ETFA: variants seen among roughly 807,000 people sequenced by gnomAD.
ETFA encodes the protein electron transfer flavoprotein subunit alpha, mitochondrial.
Under a neutral mutation model 46.2 loss-of-function variants are expected in ETFA, and 22 were observed. That is an observed-to-expected ratio of 0.48 (90% CI 0.34 to 0.68). ETFA has a LOEUF of 0.68. Ranked by LOEUF, ETFA falls within the 30% of genes least tolerant of loss-of-function variation. The pLI is 0.01. For synonymous variants in ETFA, 131 were observed against 139.9 expected, an observed-to-expected ratio of 0.94 and a Z score of 0.45; for missense variants, 345 against 401.1, an observed-to-expected ratio of 0.86 and a Z score of 1.19.
At chr15:76,278,661 A>G (rs2039620115) in intron 8 of ETFA, among the ~76,000 whole-genome samples, 1 of 152,162 alleles carries the variant, frequency 6.6e-6, no homozygotes. Flanking sequence ...CTAAACTATA[A>G]TTTCATATAT....
chr15:76,311,045 AGTGACCGACAAAG>A (rs1478382465), intron 1 of ETFA, among the ~76,000 whole-genome samples: 1 of 152,244 alleles, frequency 6.6e-6, no homozygotes, highest in African/African-American at 2.4e-5. Flanking sequence ...AAGTGCCCAG[AGTGACCGACAAAG>A]GTGGGAAACG....
intron 5 of ETFA, among the ~76,000 whole-genome samples, chr15:76,287,451 A>C (rs1181617467): frequency 2.0e-5 from 3 of 152,236 alleles, no homozygotes; most frequent in African/African-American, 7.2e-5. Flanking sequence ...TATAGGCACG[A>C]GCCACTGCAG....
intron 8 of ETFA, among the ~76,000 whole-genome samples, chr15:76,280,133 T>A (rs1453479947): frequency 2.0e-5 from 3 of 152,078 alleles, no homozygotes; most frequent in African/African-American, 7.2e-5. Flanking sequence ...TTCAATATCA[T>A]CCAAATGAAC....
At chr15:76,240,900 T>G (rs2039179246) in intron 9 of ETFA, among the ~76,000 whole-genome samples, 1 of 151,640 alleles carries the variant, frequency 6.6e-6, no homozygotes, top group African/African-American at 2.4e-5. Flanking sequence ...AGCAACAGAA[T>G]AAGACCCCAC....
chr15:76,265,694 G>A (rs2039464109), intron 9 of ETFA, among the ~76,000 whole-genome samples: 1 of 152,138 alleles, frequency 6.6e-6, no homozygotes, highest in African/African-American at 2.4e-5. Context: ...ACCTATTCCT[G>A]TCAATTTATG....
At chr15:76,286,805 C>G (rs1274340157) in intron 5 of ETFA, among the ~76,000 whole-genome samples, 1 of 152,162 alleles carries the variant, frequency 6.6e-6, no homozygotes, top group East Asian at 1.9e-4. Context: ...AAAAACAATA[C>G]AATCAGTAAC....
At chr15:76,222,350 ATTAAATATTTGATTTTTAAAATATT>A (rs912089853) in intron 11 of ETFA, among the ~76,000 whole-genome samples, 1 of 151,242 alleles carries the variant, frequency 6.6e-6, no homozygotes, top group Non-Finnish European at 1.5e-5. Context: ...AATCAAAAGT[ATTAAATATTTGATTTTTAAAATATT>A]TTAAATATTT....
At chr15:76,253,142 GAGA>G (rs745621099) in intron 9 of ETFA, among the ~76,000 whole-genome samples, 5 of 152,190 alleles carry the variant, frequency 3.3e-5, no homozygotes, top group South Asian at 2.1e-4. Flanking sequence ...AAATAAAGAG[GAGA>G]AGAAGTCTTT....
chr15:76,223,365 G>C (rs143255453), intron 11 of ETFA, among the ~76,000 whole-genome samples: 1 of 151,816 alleles, frequency 6.6e-6, no homozygotes, highest in Non-Finnish European at 1.5e-5. Flanking sequence ...TTACAGGCAT[G>C]CATCACCATG....
chr15:76,262,065 A>C (rs1271001547), intron 9 of ETFA, among the ~76,000 whole-genome samples: 3 of 152,210 alleles, frequency 2.0e-5, no homozygotes, highest in African/African-American at 7.2e-5. Context: ...AAGAAATTAG[A>C]GAAATAAAAA....
chr15:76,274,279 C>T (rs1026650973), intron 9 of ETFA, 133 bp downstream of exon 9: 10 of 738,356 alleles, frequency 1.4e-5, no homozygotes, highest in East Asian at 5.4e-5. Flanking sequence ...GTGAAAATGA[C>T]ATATTCACCA....
At chr15:76,253,786 T>A (rs1029885836) in intron 9 of ETFA, among the ~76,000 whole-genome samples, 4 of 152,310 alleles carry the variant, frequency 2.6e-5, no homozygotes, top group African/African-American at 7.2e-5. Context: ...ACCTAATGCA[T>A]TATTAAGTAG....
chr15:76,286,219 A>T, intron 6 of ETFA, 152 bp downstream of exon 6: 1 of 590,228 alleles, frequency 1.7e-6, no homozygotes, highest in South Asian at 2.4e-5. Flanking sequence ...ATACATATTT[A>T]TTATTTTTGT....
chr15:76,258,841 G>A, intron 9 of ETFA: 1 of 636,210 alleles, frequency 1.6e-6, no homozygotes, highest in East Asian at 2.8e-5. Flanking sequence ...GATTTGGTCA[G>A]TCCAGGCTTC....
At chr15:76,271,912 T>TATAC (rs974713513) in intron 9 of ETFA, among the ~76,000 whole-genome samples, 2 of 121,790 alleles carry the variant, frequency 1.6e-5, no homozygotes, top group Non-Finnish European at 3.3e-5. Flanking sequence ...TGTGTGTGTA[T>TATAC]ATACACACAC....
chr15:76,291,012 T>C (rs754292104), intron 4 of ETFA, among the ~76,000 whole-genome samples: 1 of 152,134 alleles, frequency 6.6e-6, no homozygotes, highest in Non-Finnish European at 1.5e-5. Flanking sequence ...GGCCAGGAGT[T>C]TAAGACAAGC....
chr15:76,303,856 ATTAG>A (rs1421149551), intron 1 of ETFA, among the ~76,000 whole-genome samples: 1 of 152,236 alleles, frequency 6.6e-6, no homozygotes, highest in Non-Finnish European at 1.5e-5. Context: ...GAGGATGTAA[ATTAG>A]TTCAGCCACT....
At chr15:76,243,616 T>C (rs1401518569) in intron 9 of ETFA, among the ~76,000 whole-genome samples, 2 of 151,876 alleles carry the variant, frequency 1.3e-5, no homozygotes, top group South Asian at 2.1e-4. Flanking sequence ...CTGGCCAACG[T>C]GGCGAAACCC....
At chr15:76,220,725 A>C (rs1055421247) in intron 11 of ETFA, among the ~76,000 whole-genome samples, 1 of 152,258 alleles carries the variant, frequency 6.6e-6, no homozygotes, top group African/African-American at 2.4e-5. Context: ...AGATGAAAAG[A>C]TACTAAATGT....
Sources: allele counts gnomAD v4.1 joint callset (sites outside exome capture counted in the v4.1 genomes callset), GRCh38; gene constraint gnomAD v4.1.1; transcripts MANE v1.5; gene names NCBI Gene and HGNC (gene_info 2026-07-23, HGNC 2026-07-21).